BTNL8: variants seen among roughly 807,000 people sequenced by gnomAD.
BTNL8 encodes butyrophilin like 8.
In BTNL8, 22 loss-of-function variants were observed where a neutral mutation model predicts 36.1. The ratio of observed to expected loss-of-function variants is 0.61; its 90% CI spans 0.44 to 0.87. The LOEUF (loss-of-function observed/expected upper bound fraction) is 0.87, where lower values mean the gene tolerates loss of function less well. Among genes scored for constraint, BTNL8 ranks in the 40% least tolerant of loss-of-function variants. BTNL8 has a pLI of 0.00. For synonymous variants in BTNL8, 203 were observed against 235.6 expected (o/e 0.86, Z 1.27); for missense variants, 526 against 616.9 (o/e 0.85, Z 1.56).
chr5:180,950,223 T>C lies in BTNL8; in HGVS notation c.1182T>C (p.Arg394=). The C allele has an allele frequency of 6.8e-7, 1 of 1,463,120 alleles. No homozygotes were observed. Among genetic ancestry groups the C allele is most frequent in the South Asian group, 1.1e-5 (1 of 89,278 alleles). 90.6% of individuals were successfully genotyped at this position (1,463,120 alleles called of 1,614,324 possible). A position where few individuals can be genotyped will look rare whatever the true frequency, so the allele number is the denominator to read the frequency against. ...GEHLYFTLNP[R]FISVFPRTPP... ...ATTTGTATTTCACATTAAATCCCCG[T>C]TTTATCAGCGTCTTCCCCAGGACCC... Residue 394 remains arginine, a synonymous_variant, in exon 8 of 8, where the codon CGT becomes CGC. Coordinates refer to ENST00000340184, the MANE Select transcript of BTNL8 (RefSeq NM_001040462.3).
chr5:180,938,166 A>T (rs1437206922), intron 3 of BTNL8, among the ~76,000 whole-genome samples: 1 of 152,200 alleles, frequency 6.6e-6, no homozygotes, highest in Non-Finnish European at 1.5e-5. Flanking sequence ...GTCTGATGAA[A>T]AAAAGAAAGA....
At chr5:180,913,621 T>C (rs879808510) in intron 3 of BTNL8, among the ~76,000 whole-genome samples, 6 of 152,204 alleles carry the variant, frequency 3.9e-5, no homozygotes, top group Non-Finnish European at 8.8e-5. Flanking sequence ...AGATCCTGCA[T>C]TTAATGTTGC....
intron 1 of BTNL8, chr5:180,902,517 GT>G (rs111618652): frequency 0.19 from 149,673 of 772,486 alleles, 11,599 homozygotes; most frequent in African/African-American, 0.46. Context: ...ACTATAAAGG[GT>G]TTTTTTTTTT....
rs552044960 is a variant in BTNL8, at chr5:180,935,994, C to T, written c.674-11518C>T. 4.9e-4 allele frequency among the ~76,000 whole-genome samples: 74 copies of T among 152,140 alleles called. No individual in the cohort carries two copies. Among genetic ancestry groups the T allele is most frequent in the African/African-American group, 1.5e-3 (61 of 41,526 alleles). On this transcript the variant is annotated intron_variant, in intron 3 of 7. Coordinates refer to ENST00000340184, the MANE Select transcript of BTNL8 (RefSeq NM_001040462.3). This position sits in a 1 kb window ranked among gnomAD's most constrained non-coding sequence, Gnocchi z 4.8. ...CATGATCTCAGCTCACTGCAACCTC[C>T]GTCTTCTGGGTTCAAGTGATTCTCC...
chr5:180,923,602 T>C (rs1757966935), intron 3 of BTNL8, among the ~76,000 whole-genome samples: 1 of 152,084 alleles, frequency 6.6e-6, no homozygotes, highest in South Asian at 2.1e-4. Context: ...TTAATGAAGA[T>C]AACTGCATTA....
intron 1 of BTNL8, among the ~76,000 whole-genome samples, chr5:180,906,007 C>T (rs10479589): frequency 0.05 from 6,722 of 135,686 alleles, 577 homozygotes; most frequent in African/African-American, 0.2. Flanking sequence ...TGTTGATTTG[C>T]GGTGGAGAGT....
At chr5:180,939,389 A>C (rs1758815893) in intron 3 of BTNL8, among the ~76,000 whole-genome samples, 1 of 152,176 alleles carries the variant, frequency 6.6e-6, no homozygotes, top group Non-Finnish European at 1.5e-5. Context: ...GGAAAAAAAA[A>C]CAAGCAAGAA....
At chr5:180,946,751 A>AT (rs1349407044) in intron 3 of BTNL8, among the ~76,000 whole-genome samples, 1 of 152,224 alleles carries the variant, frequency 6.6e-6, no homozygotes, top group Non-Finnish European at 1.5e-5. Flanking sequence ...AACAGAAAGA[A>AT]TAAAATTTAA....
At position 180,911,511 on chromosome 5, in the gene BTNL8, T is replaced by C. The variant is rs759058379; in HGVS notation, c.570T>C (p.Asp190=). 6.2e-7 allele frequency: 1 copy of C among 1,614,036 alleles called. No individual in the cohort carries two copies. The highest frequency in any genetic ancestry group is 1.3e-5 in the African/African-American group (1 of 74,902). ...RTNRDMHGLF[D]VEISLTVQEN... ...ACAGAGACATGCATGGCCTGTTTGA[T>C]GTGGAGATCTCTCTGACCGTCCAAG... Residue 190 remains aspartate (D), a synonymous_variant, in exon 3 of 8, where the codon GAT becomes GAC. Coordinates refer to ENST00000340184, the MANE Select transcript of BTNL8 (RefSeq NM_001040462.3).
chr5:180,929,080 C>G (rs1758242516), intron 3 of BTNL8, among the ~76,000 whole-genome samples: 1 of 152,142 alleles, frequency 6.6e-6, no homozygotes, highest in Non-Finnish European at 1.5e-5. Context: ...CACTCCTCAG[C>G]AAATGCAAAA....
intron 3 of BTNL8, among the ~76,000 whole-genome samples, chr5:180,925,543 T>A (rs1042257990): frequency 1.3e-5 from 2 of 152,196 alleles, no homozygotes; most frequent in Non-Finnish European, 2.9e-5. Flanking sequence ...CAAGATTACA[T>A]TACTAGCAAA....
intron 3 of BTNL8, among the ~76,000 whole-genome samples, chr5:180,943,587 G>A (rs1171932452): frequency 6.6e-6 from 1 of 152,104 alleles, no homozygotes; most frequent in Non-Finnish European, 1.5e-5. Context: ...TTATCAAAAA[G>A]ACAAAAGATA....
rs986246876 is a variant in BTNL8 at position 180,902,168 on chromosome 5, T to G, written c.49+2809T>G. Reference sequence around the variant, plus strand: ...CAACTTTGGTTTTCAGCAAGGACGATGGAAATGGGGATGTTTGGGTTTTTT... The same window carrying G: ...CAACTTTGGTTTTCAGCAAGGACGAGGGAAATGGGGATGTTTGGGTTTTTT... On this transcript the variant is annotated intron_variant, in intron 1 of 7. Transcript: ENST00000340184. Among the ~76,000 whole-genome samples, 6 of 144,392 alleles carry G rather than the reference T, an allele frequency of 4.2e-5. No homozygotes were observed. In the Admixed American group the frequency reaches 4.2e-4, roughly 10 times the overall value. 94.7% of individuals were successfully genotyped at this position (144,392 alleles called of 152,430 possible).
chr5:180,933,635 A>G (rs1470553794), intron 3 of BTNL8, among the ~76,000 whole-genome samples: 1 of 152,234 alleles, frequency 6.6e-6, no homozygotes, highest in Non-Finnish European at 1.5e-5. Context: ...GGGGTGCATT[A>G]AAGGCAAAAA....
chr5:180,922,714 G>A (rs1219689761), intron 3 of BTNL8, among the ~76,000 whole-genome samples: 1 of 151,044 alleles, frequency 6.6e-6, no homozygotes, highest in African/African-American at 2.4e-5. Context: ...AGATCCATTT[G>A]ATCCAGTGTG....
intron 3 of BTNL8, among the ~76,000 whole-genome samples, chr5:180,938,479 A>G (rs1758762774): frequency 6.6e-6 from 1 of 152,148 alleles, no homozygotes; most frequent in Non-Finnish European, 1.5e-5. Flanking sequence ...TACGTACAAG[A>G]GAATTCCCAT....
At chr5:180,913,839 G>T (rs1757509936) in intron 3 of BTNL8, among the ~76,000 whole-genome samples, 1 of 152,192 alleles carries the variant, frequency 6.6e-6, no homozygotes, top group African/African-American at 2.4e-5. Context: ...TACATCTTGG[G>T]CTAGACCTTA....
At chr5:180,928,899 G>A (rs770007552) in intron 3 of BTNL8, among the ~76,000 whole-genome samples, 1 of 152,154 alleles carries the variant, frequency 6.6e-6, no homozygotes, top group African/African-American at 2.4e-5. Context: ...GTATTAGACA[G>A]ATCAACGAGA....
chr5:180,908,589 A>C lies in BTNL8; in HGVS notation c.53A>C (p.Gln18Pro). ...VLSLLKLGSG[Q>P]WQVFGPDKPV... Reference sequence around the variant, plus strand: ...TCTTTTGTATGTCTTCCCACAGGGCAGTGGCAGGTGTTTGGGCCAGACAAG... The same window carrying C: ...TCTTTTGTATGTCTTCCCACAGGGCCGTGGCAGGTGTTTGGGCCAGACAAG... The change falls in exon 2 of 8, where the codon CAG becomes CCG. Residue 18 changes from glutamine to proline, a missense_variant. By Grantham distance (76) the Gln-to-Pro change is moderately conservative (BLOSUM62 -1). Transcript: ENST00000340184. 1 of 1,613,568 alleles carries C rather than the reference A, an allele frequency of 6.2e-7. No homozygotes were observed. Among genetic ancestry groups the C allele is most frequent in the Non-Finnish European group, 8.5e-7 (1 of 1,179,582 alleles).
Sources: allele counts gnomAD v4.1 joint callset (sites outside exome capture counted in the v4.1 genomes callset), GRCh38; gene constraint gnomAD v4.1.1; non-coding constraint Gnocchi (gnomAD v3.1); transcripts MANE v1.5; gene names NCBI Gene and HGNC (gene_info 2026-07-23, HGNC 2026-07-21).